Variants in TMC2 observed in about 807,000 individuals in gnomAD.
TMC2 encodes transmembrane channel like 2.
Under a neutral mutation model 105.9 loss-of-function variants are expected in TMC2, and 102 were observed. That is an observed-to-expected ratio of 0.96 (90% confidence interval 0.82 to 1.14). TMC2 has a LOEUF of 1.14. TMC2 is among the 50% of genes most tolerant of loss of function. TMC2 has a pLI of 0.00. For missense variants in TMC2, 1,093 were observed against 1,134.3 expected (o/e 0.96, Z 0.52); for synonymous variants, 402 against 422.8 (o/e 0.95, Z 0.60).
At chr20:2,603,073 T>C (rs566610699) in intron 11 of TMC2, among the ~76,000 whole-genome samples, 1 of 152,332 alleles carries the variant, frequency 6.6e-6, no homozygotes, top group African/African-American at 2.4e-5. Flanking sequence ...GTCATGTGAA[T>C]AATCTCTGGC....
In TMC2 at chr20:2,558,446, G is replaced by T. The variant is rs1329804673; in HGVS notation, c.83-10G>T. On this transcript the variant is annotated splice_polypyrimidine_tract_variant and intron_variant, in intron 2 of 19. Transcript: ENST00000358864. This position sits in a 1 kb window ranked among gnomAD's most constrained non-coding sequence, Gnocchi z 4.6. ...TGGAACCAGAACTGTCCATTTTCCCGCCCCGGCAGGTGACAGGCTGGGAAG... is the reference window on the plus strand; with the variant it reads ...TGGAACCAGAACTGTCCATTTTCCCTCCCCGGCAGGTGACAGGCTGGGAAG... The T allele has an allele frequency of 6.4e-7, 1 of 1,552,844 alleles. No homozygotes were observed. Among genetic ancestry groups the T allele is most frequent in the Non-Finnish European group, 8.7e-7 (1 of 1,148,082 alleles).
chr20:2,560,410 C>T (rs939720114), intron 3 of TMC2, among the ~76,000 whole-genome samples: 1 of 152,158 alleles, frequency 6.6e-6, no homozygotes, highest in Non-Finnish European at 1.5e-5. Context: ...TGCAGTAACC[C>T]AAGCCCACAC....
At chr20:2,562,329 T>C (rs1226572346) in intron 4 of TMC2, among the ~76,000 whole-genome samples, 1 of 152,216 alleles carries the variant, frequency 6.6e-6, no homozygotes, top group Non-Finnish European at 1.5e-5. Context: ...AACAGAGACA[T>C]GCCTTCTCCT....
intron 11 of TMC2, among the ~76,000 whole-genome samples, chr20:2,609,615 GC>G (rs1198162006): frequency 6.6e-6 from 1 of 152,240 alleles, no homozygotes; most frequent in East Asian, 1.9e-4. Context: ...GAATTTTGTG[GC>G]AAAGGCAGGA....
chr20:2,631,607 G>C (rs1415814440), intron 17 of TMC2, among the ~76,000 whole-genome samples: 1 of 151,538 alleles, frequency 6.6e-6, no homozygotes, highest in African/African-American at 2.4e-5. Flanking sequence ...GGCCTCCATG[G>C]TTTATATGAA....
chr20:2,573,702 A>G, intron 5 of TMC2, among the ~76,000 whole-genome samples: 4 of 150,010 alleles, frequency 2.7e-5, no homozygotes, highest in Non-Finnish European at 4.4e-5. Context: ...CTGGGACTAC[A>G]GGCGCCCGCC....
At chr20:2,586,823 A>C (rs1312837060) in intron 7 of TMC2, among the ~76,000 whole-genome samples, 2 of 152,180 alleles carry the variant, frequency 1.3e-5, no homozygotes, top group Non-Finnish European at 2.9e-5. Context: ...CTCATTTATA[A>C]ATTTTCCTCT....
intron 7 of TMC2, among the ~76,000 whole-genome samples, chr20:2,589,223 G>A (rs2086251137): frequency 6.8e-6 from 1 of 146,890 alleles, no homozygotes; most frequent in African/African-American, 2.5e-5. Context: ...ATCTTCCCAG[G>A]CCTCAACTAA....
intron 18 of TMC2, 108 bp from the exon 19 acceptor site, chr20:2,637,366 C>G (rs886535537): frequency 1.6e-6 from 1 of 612,498 alleles, no homozygotes; most frequent in South Asian, 1.9e-5. Context: ...CCAGCCTGGG[C>G]AACAGAGTGA....
intron 4 of TMC2, among the ~76,000 whole-genome samples, chr20:2,566,193 T>G (rs564425928): frequency 6.6e-6 from 1 of 152,374 alleles, no homozygotes; most frequent in South Asian, 2.1e-4. Flanking sequence ...TCTCTGAGCC[T>G]AATAATTCTC....
chr20:2,560,730 C>G (rs917146861), intron 3 of TMC2, among the ~76,000 whole-genome samples: 1 of 151,546 alleles, frequency 6.6e-6, no homozygotes, highest in Non-Finnish European at 1.5e-5. Context: ...CCAGCTACTC[C>G]GGAGGCTAAG....
chr20:2,598,296 G>T (rs1054692645), intron 10 of TMC2, among the ~76,000 whole-genome samples: 3 of 152,126 alleles, frequency 2.0e-5, no homozygotes, highest in Non-Finnish European at 4.4e-5. Context: ...CTAGCAATAT[G>T]GTCTGTGCAG....
chr20:2,562,177 C>T (rs1385800628), intron 4 of TMC2, among the ~76,000 whole-genome samples, 167 bp downstream of exon 4: 1 of 152,268 alleles, frequency 6.6e-6, no homozygotes, highest in South Asian at 2.1e-4. Flanking sequence ...CCGTGCTGTT[C>T]GCCAGCACCA....
chr20:2,536,818 T>A (rs2085852622), intron 1 of TMC2, among the ~76,000 whole-genome samples, 163 bp downstream of exon 1: 2 of 152,198 alleles, frequency 1.3e-5, no homozygotes, highest in Admixed American at 1.3e-4. Flanking sequence ...TTATTCAACC[T>A]CTCTGATCCT....
Position 2,558,712 on chromosome 20 carries a change from C to T in TMC2, c.339C>T (p.Ala113=), listed in dbSNP as rs750099458. The T allele has an allele frequency of 6.2e-7, 1 of 1,601,178 alleles. No homozygotes were observed. The change falls in exon 3 of 20, where the codon GCC becomes GCT. Residue 113 remains alanine, a synonymous_variant. Coordinates refer to ENST00000358864, the MANE Select transcript of TMC2 (RefSeq NM_080751.3). This position sits in a 1 kb window ranked among gnomAD's most constrained non-coding sequence, Gnocchi z 4.6. The part of the protein sequence containing the change: ...ERASFQERTA[A]PKREKEIPRR... Reference sequence around the variant, plus strand: ...CCTCCTTCCAGGAGCGGACAGCAGCCCCAAAGAGGGAAAAGGAGATTCCGA... The same window carrying T: ...CCTCCTTCCAGGAGCGGACAGCAGCTCCAAAGAGGGAAAAGGAGATTCCGA...
At chr20:2,619,886 C>T (rs564340307) in intron 16 of TMC2, among the ~76,000 whole-genome samples, 48 of 152,234 alleles carry the variant, frequency 3.2e-4, no homozygotes, top group African/African-American at 1.1e-3. Context: ...AGAACCATCT[C>T]CTACAGTTGT....
At chr20:2,597,654 ATT>A (rs55869258) in intron 10 of TMC2, among the ~76,000 whole-genome samples, 126 of 145,164 alleles carry the variant, frequency 8.7e-4, no homozygotes, top group Middle Eastern at 3.6e-3. Flanking sequence ...TGCCCAGCTA[ATT>A]TTTTTTTTTT....
At chr20:2,551,662 G>C (rs1209804231) in intron 2 of TMC2, among the ~76,000 whole-genome samples, 3 of 152,118 alleles carry the variant, frequency 2.0e-5, no homozygotes, top group Non-Finnish European at 4.4e-5. Context: ...TCCATTTGGA[G>C]TTAATTTTTG....
intron 7 of TMC2, among the ~76,000 whole-genome samples, chr20:2,588,355 A>C (rs1171861792): frequency 2.0e-5 from 3 of 152,184 alleles, no homozygotes; most frequent in African/African-American, 7.2e-5. Context: ...CAGACCCCAG[A>C]TGAGACCCTT....
Sources: gnomAD v4.1 joint callset for allele counts (sites outside exome capture counted in the v4.1 genomes callset) on GRCh38, gnomAD v4.1.1 for gene constraint, Gnocchi (gnomAD v3.1) non-coding constraint, MANE v1.5 for transcripts, NCBI Gene and HGNC (gene_info 2026-07-23, HGNC 2026-07-21) for gene names.